The following RGL1 variants were observed in gnomAD, a reference collection of about 807,000 sequenced individuals.
The protein encoded by RGL1 is ral guanine nucleotide dissociation stimulator-like 1.
RGL1 carries 24 observed loss-of-function variants against 95.2 expected under a neutral mutation model. The ratio of observed to expected loss-of-function variants is 0.25; its 90% CI spans 0.18 to 0.35. RGL1 has a LOEUF of 0.35. Ranked by LOEUF, RGL1 falls within the 10% of genes least tolerant of loss-of-function variation. The pLI, the probability that RGL1 is intolerant of heterozygous loss-of-function variation, is 1.00. For synonymous variants in RGL1, 329 were observed against 344.9 expected (o/e 0.95, Z 0.51); for missense variants, 715 against 936.3 (o/e 0.76, Z 3.08).
At chr1:183,825,290 CT>C (rs1662768737) in intron 2 of RGL1, among the ~76,000 whole-genome samples, 1 of 152,110 alleles carries the variant, frequency 6.6e-6, no homozygotes, top group Non-Finnish European at 1.5e-5. Flanking sequence ...ATCAGTGATA[CT>C]TTAAGCAGTA....
At chr1:183,735,056 C>T (rs1033530179) in intron 1 of RGL1, among the ~76,000 whole-genome samples, 1 of 142,938 alleles carries the variant, frequency 7.0e-6, no homozygotes, top group African/African-American at 2.5e-5. Context: ...TACAAACCCA[C>T]TCTGGATTTT....
intron 14 of RGL1, among the ~76,000 whole-genome samples, chr1:183,910,558 C>T (rs1183774513): frequency 1.3e-5 from 2 of 152,214 alleles, no homozygotes; most frequent in African/African-American, 4.8e-5. Flanking sequence ...GGCCTTCTTC[C>T]ATCCTCTCCA....
chr1:183,817,085 A>C (rs949532958), intron 2 of RGL1, among the ~76,000 whole-genome samples: 3 of 152,208 alleles, frequency 2.0e-5, no homozygotes, highest in Non-Finnish European at 4.4e-5. Context: ...TGATAAAGCT[A>C]ATAATGCACC....
Position 183,806,375 on chromosome 1 carries a change from A to T in RGL1, c.28A>T (p.Ser10Cys), listed in dbSNP as rs1265223096. 1 of 1,611,656 alleles carries T rather than the reference A, an allele frequency of 6.2e-7. No homozygotes were observed. Among genetic ancestry groups the T allele is most frequent in the Non-Finnish European group, 8.5e-7 (1 of 1,178,068 alleles). The change falls in exon 2 of 18, where the codon AGC (serine) becomes TGC (cysteine). Residue 10 changes from serine to cysteine, a missense_variant and splice_region_variant. Transcript: ENST00000360851. ...TTTCTCTTTATCCCGTCCCTGGCAGAGCTCGATTCAGGACTGGGGTGAAGA... is the reference window on the plus strand; with the variant it reads ...TTTCTCTTTATCCCGTCCCTGGCAGTGCTCGATTCAGGACTGGGGTGAAGA... MKLLWQAKM[S>C]SIQDWGEEVE... is the part of the protein sequence containing the mutation.
chr1:183,916,625 A>G lies in RGL1; in HGVS notation c.1928A>G (p.Asn643Ser), dbSNP rs1307874611. The change falls in exon 16 of 18, where the codon AAC becomes AGC. Residue 643 changes from asparagine to serine, a missense_variant. Asn to Ser is a conservative substitution (Grantham distance 46, BLOSUM62 1). Coordinates refer to ENST00000360851, the MANE Select transcript of RGL1 (RefSeq NM_001297671.3). ...ITSTVLPPVY[N>S]QQNEDTCIIR... is the part of the protein sequence containing the mutation. ...TCGACTGTGCTGCCTCCTGTTTACA[A>G]CCAACAGAATGAAGACACCTGCATA... The G allele has an allele frequency of 1.1e-5, 17 of 1,613,732 alleles. No individual in the cohort carries two copies. Among genetic ancestry groups the G allele is most frequent in the Non-Finnish European group, 1.4e-5 (17 of 1,179,992 alleles).
chr1:183,867,900 A>T, intron 4 of RGL1, among the ~76,000 whole-genome samples: 1 of 152,212 alleles, frequency 6.6e-6, no homozygotes. Flanking sequence ...GAAAGTAGAA[A>T]GCTGAGTATC....
intron 9 of RGL1, among the ~76,000 whole-genome samples, chr1:183,896,792 G>A (rs527297598): frequency 6.6e-6 from 1 of 152,302 alleles, no homozygotes; most frequent in South Asian, 2.1e-4. Flanking sequence ...ATATAGAAGA[G>A]TTTGTTGTTA....
chr1:183,776,310 G>A (rs1312864307), intron 2 of RGL1, among the ~76,000 whole-genome samples: 9 of 151,310 alleles, frequency 5.9e-5, no homozygotes, highest in South Asian at 4.2e-4. Context: ...TACCACGCCC[G>A]GCTAATTTTT....
intron 1 of RGL1, among the ~76,000 whole-genome samples, chr1:183,659,670 A>G: frequency 6.6e-6 from 1 of 152,090 alleles, no homozygotes; most frequent in South Asian, 2.1e-4. Context: ...CAATCTAGCA[A>G]GGCAGGCCAA....
At chr1:183,830,693 A>AC (rs57049512) in intron 2 of RGL1, among the ~76,000 whole-genome samples, 4 of 151,206 alleles carry the variant, frequency 2.6e-5, no homozygotes, top group Non-Finnish European at 1.5e-5. Context: ...AGAAAAAAAA[A>AC]CCCATGACTT....
intron 1 of RGL1, among the ~76,000 whole-genome samples, chr1:183,642,346 C>T (rs1649982072): frequency 6.6e-6 from 1 of 152,112 alleles, no homozygotes; most frequent in Non-Finnish European, 1.5e-5. Flanking sequence ...TAAACTAAAG[C>T]TCAGAGAGGT....
At position 183,805,282 on chromosome 1, in the gene RGL1, G is replaced by A. The variant is rs1661213674; in HGVS notation, c.-16G>A. ...GCGCATCATGCAGCGTTCGCGCACC[G>A]GAGAGAAAACTGAGAATGAAATTGC... is the stretch of plus-strand genomic sequence containing the variant. On this transcript the variant is annotated 5_prime_UTR_variant, in exon 1 of 18. Coordinates refer to ENST00000360851, the MANE Select transcript of RGL1 (RefSeq NM_001297671.3). 1 of 1,611,346 alleles carries A rather than the reference G, an allele frequency of 6.2e-7. No individual in the cohort carries two copies. The highest frequency in any genetic ancestry group is 8.5e-7 in the Non-Finnish European group (1 of 1,179,400).
chr1:183,910,420 T>A (rs1668579335), intron 14 of RGL1, among the ~76,000 whole-genome samples: 1 of 152,156 alleles, frequency 6.6e-6, no homozygotes, highest in South Asian at 2.1e-4. Context: ...AAGAATTTCT[T>A]TTGTCTTTGA....
At chr1:183,719,531 C>T (rs925231427) in intron 1 of RGL1, among the ~76,000 whole-genome samples, 1 of 152,090 alleles carries the variant, frequency 6.6e-6, no homozygotes, top group African/African-American at 2.4e-5. Context: ...GCCTTAGGGC[C>T]TTTGTGTGAC....
At position 183,847,628 on chromosome 1, in the gene RGL1, G is replaced by A. The variant is rs1433376642; in HGVS notation, c.201G>A (p.Arg67=). ...GTCAATATGAAACCTGTAAGATCAG[G>A]ACCATAAAAGCTGGCACCTTGGAGA... ...TVSQYETCKI[R]TIKAGTLEKL... is the part of the protein sequence containing the mutation. The change falls in exon 3 of 18, where the codon AGG becomes AGA. Residue 67 remains arginine (R), a synonymous_variant. Coordinates refer to ENST00000360851, the MANE Select transcript of RGL1 (RefSeq NM_001297671.3). 6.2e-7 allele frequency: 1 copy of A among 1,614,084 alleles called. No homozygotes were observed.
At chr1:183,672,831 T>G (rs1322506535) in intron 1 of RGL1, among the ~76,000 whole-genome samples, 2 of 152,236 alleles carry the variant, frequency 1.3e-5, no homozygotes, top group African/African-American at 4.8e-5. Context: ...TCATACTTGG[T>G]GGGGATCCTG....
intron 3 of RGL1, among the ~76,000 whole-genome samples, chr1:183,851,860 G>T (rs553737900): frequency 3.3e-5 from 5 of 152,312 alleles, no homozygotes; most frequent in African/African-American, 1.2e-4. Flanking sequence ...TAAATTGGTT[G>T]TTGAGACTTT....
chr1:183,840,973 C>T (rs754608468), intron 2 of RGL1, among the ~76,000 whole-genome samples: 38 of 54,098 alleles, frequency 7.0e-4, no homozygotes, highest in Non-Finnish European at 1.1e-3. Context: ...TTACACTGGG[C>T]CCCTCTTGGT....
chr1:183,696,353 A>G (rs574834434), intron 1 of RGL1, among the ~76,000 whole-genome samples: 1 of 152,318 alleles, frequency 6.6e-6, no homozygotes, highest in African/African-American at 2.4e-5. Context: ...CATCTGAACC[A>G]AGGACACAAA....
Sources: gnomAD v4.1 joint callset for allele counts (sites outside exome capture counted in the v4.1 genomes callset) on GRCh38, gnomAD v4.1.1 for gene constraint, MANE v1.5 for transcripts, NCBI Gene and HGNC (gene_info 2026-07-23, HGNC 2026-07-21) for gene names.